Variants in ITGA8 observed in about 807,000 individuals in gnomAD.
ITGA8 encodes the protein integrin subunit alpha 8, also known as integrin alpha-8.
ITGA8 carries 91 observed loss-of-function variants against 142.3 expected under a neutral mutation model. The observed-to-expected ratio is 0.64, with a 90% CI of 0.54 to 0.76. ITGA8 has a LOEUF of 0.76. Ranked by LOEUF, ITGA8 falls within the 30% of genes least tolerant of loss-of-function variation. The pLI is 0.00. For synonymous variants in ITGA8, 505 were observed against 485.2 expected (o/e 1.04, Z -0.54); for missense variants, 1,406 against 1,327.7 (o/e 1.06, Z -0.92).
intron 25 of ITGA8, 84 bp from the exon 26 acceptor site, chr10:15,558,286 T>A (rs1833919823): frequency 2.6e-6 from 4 of 1,527,636 alleles, no homozygotes; most frequent in Non-Finnish European, 3.5e-6. Context: ...CTAGGCAATT[T>A]TTTTTTCTCA....
intron 28 of ITGA8, among the ~76,000 whole-genome samples, chr10:15,524,200 C>T (rs752119108): frequency 6.6e-6 from 1 of 152,180 alleles, no homozygotes; most frequent in Non-Finnish European, 1.5e-5. Context: ...CAGAGACCTT[C>T]CTTCACCCTT....
At chr10:15,693,194 C>T (rs1834966485) in intron 2 of ITGA8, among the ~76,000 whole-genome samples, 1 of 152,182 alleles carries the variant, frequency 6.6e-6, no homozygotes, top group African/African-American at 2.4e-5. Flanking sequence ...TCAGTAATAG[C>T]TAATGAGTTT....
At chr10:15,651,776 A>G (rs1049884107) in intron 11 of ITGA8, among the ~76,000 whole-genome samples, 8 of 152,146 alleles carry the variant, frequency 5.3e-5, no homozygotes, top group African/African-American at 1.7e-4. Flanking sequence ...TTTAAACCCT[A>G]TGAAATATAT....
At chr10:15,563,990 AT>A (rs1001311942) in intron 25 of ITGA8, among the ~76,000 whole-genome samples, 13 of 152,188 alleles carry the variant, frequency 8.5e-5, no homozygotes, top group Admixed American at 1.3e-4. Flanking sequence ...CATCAGATGT[AT>A]CTTGTGTACA....
chr10:15,584,535 C>G (rs908278408), intron 23 of ITGA8, among the ~76,000 whole-genome samples: 5 of 152,162 alleles, frequency 3.3e-5, no homozygotes, highest in Non-Finnish European at 7.3e-5. Flanking sequence ...TCACCCACTT[C>G]TCACAGGAGT....
intron 23 of ITGA8, among the ~76,000 whole-genome samples, chr10:15,576,404 C>G (rs1027031210): frequency 6.6e-6 from 1 of 152,130 alleles, no homozygotes; most frequent in South Asian, 2.1e-4. Flanking sequence ...TGATTACAAA[C>G]TAAATTATTA....
intron 27 of ITGA8, among the ~76,000 whole-genome samples, chr10:15,535,786 C>T (rs1304851991): frequency 1.3e-5 from 2 of 152,118 alleles, no homozygotes; most frequent in Admixed American, 6.5e-5. Flanking sequence ...TGGCAACCTG[C>T]TGGGGTCCCC....
At chr10:15,610,303 T>C (rs1833269288) in intron 15 of ITGA8, among the ~76,000 whole-genome samples, 1 of 152,160 alleles carries the variant, frequency 6.6e-6, no homozygotes, top group Non-Finnish European at 1.5e-5. Context: ...AAACATACTA[T>C]ATTATATATA....
chr10:15,546,339 G>A (rs1833667845), intron 27 of ITGA8, among the ~76,000 whole-genome samples: 1 of 152,208 alleles, frequency 6.6e-6, no homozygotes, highest in Non-Finnish European at 1.5e-5. Flanking sequence ...ACTAGACCCT[G>A]AAGCAGCCCT....
intron 13 of ITGA8, among the ~76,000 whole-genome samples, chr10:15,629,638 C>A (rs1833649441): frequency 6.6e-6 from 1 of 151,916 alleles, no homozygotes; most frequent in South Asian, 2.1e-4. Context: ...TTAAAATTGT[C>A]TTCAGAGGCT....
At chr10:15,646,711 T>G in intron 12 of ITGA8, 135 bp downstream of exon 12, 1 of 604,340 alleles carries the variant, frequency 1.7e-6, no homozygotes. Context: ...GCCTTGAGAT[T>G]TGTGATAGTT....
At chr10:15,561,245 A>ATATATATT in intron 25 of ITGA8, among the ~76,000 whole-genome samples, 1 of 133,824 alleles carries the variant, frequency 7.5e-6, no homozygotes, top group African/African-American at 2.9e-5. Flanking sequence ...GTATATATAT[A>ATATATATT]TATATATATG....
intron 11 of ITGA8, among the ~76,000 whole-genome samples, chr10:15,648,180 C>T (rs1340003718): frequency 3.3e-5 from 5 of 152,066 alleles, no homozygotes; most frequent in Admixed American, 3.3e-4. Flanking sequence ...TTTTACAAGT[C>T]ACACCAACCA....
intron 20 of ITGA8, among the ~76,000 whole-genome samples, chr10:15,602,400 A>G (rs1218926909): frequency 2.0e-5 from 3 of 152,124 alleles, no homozygotes; most frequent in Non-Finnish European, 2.9e-5. Context: ...ATTTATTTTT[A>G]TCTTAAAGTG....
At chr10:15,555,715 A>C (rs568531753) in intron 26 of ITGA8, among the ~76,000 whole-genome samples, 1 of 141,636 alleles carries the variant, frequency 7.1e-6, no homozygotes, top group Admixed American at 7.1e-5. Context: ...TTTTTTTTTG[A>C]GACGGAGTCT....
intron 2 of ITGA8, among the ~76,000 whole-genome samples, chr10:15,709,402 G>A (rs1835322839): frequency 6.6e-6 from 1 of 152,138 alleles, no homozygotes; most frequent in Non-Finnish European, 1.5e-5. Context: ...TAAGTAGAAT[G>A]GCGCACCCCA....
intron 24 of ITGA8, among the ~76,000 whole-genome samples, chr10:15,573,178 T>A (rs1156255976): frequency 1.3e-5 from 2 of 151,554 alleles, no homozygotes; most frequent in East Asian, 1.9e-4. Flanking sequence ...CAAAGAAGCT[T>A]GGCAACCATT....
At chr10:15,583,391 C>T (rs1055510332) in intron 23 of ITGA8, among the ~76,000 whole-genome samples, 2 of 152,126 alleles carry the variant, frequency 1.3e-5, no homozygotes, top group Non-Finnish European at 2.9e-5. Flanking sequence ...GAAGGGATAG[C>T]ATTAGGAGAA....
At chr10:15,677,730 C>CT (rs1206136767) in intron 5 of ITGA8, 93 bp from the exon 6 acceptor site, 1 of 1,265,346 alleles carries the variant, frequency 7.9e-7, no homozygotes, top group Non-Finnish European at 1.1e-6. Context: ...AAGCATTGCT[C>CT]TAACAATTTG....
Sources: allele counts gnomAD v4.1 joint callset (sites outside exome capture counted in the v4.1 genomes callset), GRCh38; gene constraint gnomAD v4.1.1; transcripts MANE v1.5; gene names NCBI Gene and HGNC (gene_info 2026-07-23, HGNC 2026-07-21).